TSHZ2: variants seen among roughly 807,000 people sequenced by gnomAD.
TSHZ2 encodes the protein teashirt homolog 2.
In TSHZ2, 21 loss-of-function variants were observed where a neutral mutation model predicts 74.4. The ratio of observed to expected loss-of-function variants is 0.28; its 90% CI spans 0.20 to 0.41. TSHZ2 has a LOEUF of 0.41. Ranked by LOEUF, TSHZ2 falls within the 10% of genes least tolerant of loss-of-function variation. The pLI is 1.00. For synonymous variants in TSHZ2, 540 were observed against 515.3 expected, an observed-to-expected ratio of 1.05 and a Z score of -0.65; for missense variants, 1,244 against 1,293.5, an observed-to-expected ratio of 0.96 and a Z score of 0.59.
chr20:53,186,605 C>T (rs908085410), intron 1 of TSHZ2, among the ~76,000 whole-genome samples: 9 of 152,182 alleles, frequency 5.9e-5, no homozygotes, highest in African/African-American at 2.2e-4. Flanking sequence ...TTCAGGGCAG[C>T]ATGTCAAACC....
chr20:53,304,837 A>G (rs1978457274), intron 2 of TSHZ2, among the ~76,000 whole-genome samples: 1 of 151,978 alleles, frequency 6.6e-6, no homozygotes, highest in African/African-American at 2.4e-5. Flanking sequence ...TCGCCATGTT[A>G]GCCAAAATGG....
intron 1 of TSHZ2, among the ~76,000 whole-genome samples, chr20:53,071,217 C>G (rs1229301785): frequency 6.6e-6 from 1 of 152,194 alleles, no homozygotes; most frequent in Non-Finnish European, 1.5e-5. Context: ...TCACTGTCAG[C>G]TTTCTCCCCT....
chr20:53,204,171 T>C (rs1339592497), intron 1 of TSHZ2, among the ~76,000 whole-genome samples: 1 of 143,690 alleles, frequency 7.0e-6, no homozygotes, highest in Non-Finnish European at 1.6e-5. Flanking sequence ...TACTATATCA[T>C]CATATGATGA....
chr20:53,189,247 A>T (rs924220487), intron 1 of TSHZ2, among the ~76,000 whole-genome samples: 1 of 152,218 alleles, frequency 6.6e-6, no homozygotes, highest in African/African-American at 2.4e-5. Flanking sequence ...CCGTTCTATT[A>T]AACCAGAATA....
rs570443711 is a variant in TSHZ2, at chr20:53,001,649, CTT to C, written c.40+28320_40+28321del. Among the ~76,000 whole-genome samples the C allele has an allele frequency of 2.3e-3, 350 of 152,246 alleles. 2 individuals are homozygous for C. The highest frequency in any genetic ancestry group is 4.0e-3 in the Non-Finnish European group (271 of 68,008). On this transcript the variant is annotated intron_variant, in intron 1 of 2. Transcript: ENST00000371497. ...GGGAGCTAAACTCTGCTGGATGAAA[CTT>C]TTTCTTTTGCCCCAGACTAAATAAA... is the stretch of plus-strand genomic sequence containing the variant.
At chr20:53,025,780 G>A (rs1983416310) in intron 1 of TSHZ2, among the ~76,000 whole-genome samples, 1 of 152,112 alleles carries the variant, frequency 6.6e-6, no homozygotes, top group African/African-American at 2.4e-5. Flanking sequence ...GTGCACACAG[G>A]CCCCCAAAGG....
At chr20:53,127,525 T>C (rs1198597788) in intron 1 of TSHZ2, among the ~76,000 whole-genome samples, 1 of 152,138 alleles carries the variant, frequency 6.6e-6, no homozygotes, top group Non-Finnish European at 1.5e-5. Flanking sequence ...AGGCAACGTA[T>C]TGAGACCCTG....
At chr20:53,461,927 C>A (rs962107765) in intron 2 of TSHZ2, among the ~76,000 whole-genome samples, 1 of 151,554 alleles carries the variant, frequency 6.6e-6, no homozygotes, top group Admixed American at 6.6e-5. Context: ...CTATTCAAAA[C>A]TGAATTCTAA....
intron 1 of TSHZ2, among the ~76,000 whole-genome samples, chr20:53,135,711 C>T (rs1987230264): frequency 1.3e-5 from 2 of 152,026 alleles, no homozygotes; most frequent in Admixed American, 1.3e-4. Context: ...AGGATCCTCC[C>T]ACTTCAGCCT....
chr20:53,141,002 T>C (rs1987385641), intron 1 of TSHZ2, among the ~76,000 whole-genome samples: 1 of 148,254 alleles, frequency 6.7e-6, no homozygotes. Context: ...GGTTCCTCCT[T>C]GCACTGTGGA....
At chr20:53,280,688 T>TGG (rs530870598) in intron 2 of TSHZ2, among the ~76,000 whole-genome samples, 1 of 146,928 alleles carries the variant, frequency 6.8e-6, no homozygotes, top group Non-Finnish European at 1.5e-5. Flanking sequence ...TTGTTGTGTG[T>TGG]GGGGGTTTTT....
intron 2 of TSHZ2, among the ~76,000 whole-genome samples, chr20:53,394,066 T>C (rs566072972): frequency 6.6e-6 from 1 of 152,346 alleles, no homozygotes; most frequent in South Asian, 2.1e-4. Flanking sequence ...GCCATGTCAC[T>C]GAATGTTCAG....
At chr20:53,039,097 G>T (rs1983942248) in intron 1 of TSHZ2, among the ~76,000 whole-genome samples, 1 of 149,072 alleles carries the variant, frequency 6.7e-6, no homozygotes, top group African/African-American at 2.6e-5. Context: ...TGTTGGTCAG[G>T]CTGGTCTCGA....
chr20:53,098,526 C>T (rs917077871), intron 1 of TSHZ2, among the ~76,000 whole-genome samples: 6 of 152,188 alleles, frequency 3.9e-5, no homozygotes, highest in Admixed American at 1.3e-4. Context: ...TGAGCAATTG[C>T]ATACTGTTTT....
chr20:53,398,384 T>C (rs1029441848), intron 2 of TSHZ2: 14 of 152,340 alleles, frequency 9.2e-5, no homozygotes, highest in African/African-American at 3.4e-4. Context: ...GTAATAGCGT[T>C]GTAAAAAGTA....
chr20:53,434,500 G>A (rs1214948071), intron 2 of TSHZ2, among the ~76,000 whole-genome samples: 1 of 152,200 alleles, frequency 6.6e-6, no homozygotes, highest in African/African-American at 2.4e-5. Flanking sequence ...TGTGGTCCTG[G>A]AAATAGGTTT....
At chr20:53,252,819 A>G (rs1031003461) in intron 1 of TSHZ2, among the ~76,000 whole-genome samples, 9 of 152,094 alleles carry the variant, frequency 5.9e-5, no homozygotes, top group Non-Finnish European at 1.3e-4. Context: ...TTCTAGCACC[A>G]TTTGCGATTA....
chr20:53,317,412 A>G (rs1304047143), intron 2 of TSHZ2, among the ~76,000 whole-genome samples: 2 of 152,182 alleles, frequency 1.3e-5, no homozygotes, highest in Non-Finnish European at 2.9e-5. Context: ...ATCTCTGCCA[A>G]CCACAGAAGC....
At position 52,972,408 on chromosome 20, in the gene TSHZ2, TGTGTGTGTGCGA is replaced by T. The variant is rs1332234502; in HGVS notation, c.-884_-873del. 3 of 151,518 alleles carry T rather than the reference TGTGTGTGTGCGA, an allele frequency of 2.0e-5. No individual in the cohort carries two copies. The highest frequency in any genetic ancestry group is 7.3e-5 in the African/African-American group (3 of 40,886). 9.4% of individuals were successfully genotyped at this position (151,518 alleles called of 1,614,324 possible). A position where few individuals can be genotyped will look rare whatever the true frequency, so the allele number is the denominator to read the frequency against. ...GCTGGCATCGCCTCGCCCTGTCTTG[TGTGTGTGTGCGA>T]GGGTGTGTGTGTGTGTTTGTGTGTG... On this transcript the variant is annotated 5_prime_UTR_variant, in exon 1 of 3. Coordinates refer to ENST00000371497, the MANE Select transcript of TSHZ2 (RefSeq NM_173485.6).
Sources: gnomAD v4.1 joint callset for allele counts (sites outside exome capture counted in the v4.1 genomes callset) on GRCh38, gnomAD v4.1.1 for gene constraint, MANE v1.5 for transcripts, NCBI Gene and HGNC (gene_info 2026-07-23, HGNC 2026-07-21) for gene names.